Variants in TTC7B observed in about 807,000 individuals in gnomAD.
TTC7B encodes tetratricopeptide repeat protein 7B.
Under a neutral mutation model 106.8 loss-of-function variants are expected in TTC7B, and 28 were observed. The observed-to-expected ratio is 0.26, with a 90% CI of 0.19 to 0.36. TTC7B has a LOEUF of 0.36. Ranked by LOEUF, TTC7B falls within the 10% of genes least tolerant of loss-of-function variation. The probability of loss-of-function intolerance (pLI) is 1.00; values close to 1 mark genes in which losing one functional copy is unlikely to be tolerated. For missense variants in TTC7B, 862 were observed against 1,076.4 expected, an observed-to-expected ratio of 0.80 and a Z score of 2.79; for synonymous variants, 405 against 430.6, an observed-to-expected ratio of 0.94 and a Z score of 0.74.
At chr14:90,658,472 CTAAGG>C in intron 9 of TTC7B, 85 bp from the exon 10 acceptor site, 2 of 1,276,138 alleles carry the variant, frequency 1.6e-6, no homozygotes, top group Non-Finnish European at 2.3e-6. Flanking sequence ...TCTATGCACA[CTAAGG>C]TAAGTCCCAT....
At chr14:90,753,218 C>T (rs1226475617) in intron 3 of TTC7B, among the ~76,000 whole-genome samples, 2 of 152,226 alleles carry the variant, frequency 1.3e-5, no homozygotes, top group Non-Finnish European at 2.9e-5. Flanking sequence ...TTTATCTCAA[C>T]CACATCTCTG....
At chr14:90,571,428 G>A (rs916829471) in intron 19 of TTC7B, among the ~76,000 whole-genome samples, 2 of 152,188 alleles carry the variant, frequency 1.3e-5, no homozygotes, top group African/African-American at 2.4e-5. Flanking sequence ...ATGAGGGCCT[G>A]TGCACTTTTC....
chr14:90,780,312 C>T (rs1595368138), intron 3 of TTC7B, among the ~76,000 whole-genome samples: 2 of 151,340 alleles, frequency 1.3e-5, no homozygotes, highest in African/African-American at 2.4e-5. Flanking sequence ...ACCTGGGAGG[C>T]GGAGGTTGCG....
In TTC7B at chr14:90,541,533, G is replaced by A. The variant is rs753906290; in HGVS notation, c.2367C>T (p.Asp789=). Residue 789 remains aspartate (D), a synonymous_variant, in exon 20 of 20, where the codon GAC becomes GAT. Coordinates refer to ENST00000328459, the MANE Select transcript of TTC7B (RefSeq NM_001010854.2). ...GGGCTGTCGAGTTCACCTGCACCGC[G>A]TCCCGGAGGATCTTCTCCGCCAGAC... ...RYSLAEKILR[D]AVQVNSTAHE... 1.1e-5 allele frequency: 17 copies of A among 1,612,870 alleles called. No homozygotes were observed. Among genetic ancestry groups the A allele is most frequent in the Middle Eastern group, 1.7e-4 (1 of 6,058 alleles).
At position 90,578,167 on chromosome 14, in the gene TTC7B, C is replaced by T. The variant is rs753796616; in HGVS notation, c.2249G>A (p.Arg750Gln). 8 of 1,613,536 alleles carry T rather than the reference C, an allele frequency of 5.0e-6. No homozygotes were observed. The highest frequency in any genetic ancestry group is 1.3e-5 in the African/African-American group (1 of 75,058). Residue 750 changes from arginine (R) to glutamine (Q), a missense_variant, in exon 19 of 20, where the codon CGG (arginine) becomes CAG (glutamine). Transcript: ENST00000328459. This position sits in a 1 kb window ranked among gnomAD's most constrained non-coding sequence, Gnocchi z 4.7. Reference sequence around the variant, plus strand: ...GGCTAAGGCCTCTTCATACCACCGCCGCGCCTCGTCCATGCTTCCCCGGAG... The same window carrying T: ...GGCTAAGGCCTCTTCATACCACCGCTGCGCCTCGTCCATGCTTCCCCGGAG... The part of the protein sequence containing the change: ...AELRGSMDEA[R>Q]RWYEEALAIS...
intron 7 of TTC7B, among the ~76,000 whole-genome samples, chr14:90,684,743 G>A (rs1261567818): frequency 6.6e-6 from 1 of 152,178 alleles, no homozygotes; most frequent in African/African-American, 2.4e-5. Flanking sequence ...AAGAGGCCAC[G>A]GGAGGGCGTG....
intron 5 of TTC7B, among the ~76,000 whole-genome samples, chr14:90,708,234 G>A (rs1352459749): frequency 6.6e-6 from 1 of 151,672 alleles, no homozygotes; most frequent in Non-Finnish European, 1.5e-5. Flanking sequence ...AGTTCTAGCT[G>A]AGGTCATTAA....
At chr14:90,668,911 C>T (rs1247273534) in intron 9 of TTC7B, among the ~76,000 whole-genome samples, 1 of 116,854 alleles carries the variant, frequency 8.6e-6, no homozygotes, top group Admixed American at 1.1e-4. Flanking sequence ...GATCCAGAAA[C>T]AAACTGGAAA....
At chr14:90,699,213 C>T (rs931241894) in intron 5 of TTC7B, 7 of 455,892 alleles carry the variant, frequency 1.5e-5, no homozygotes, top group African/African-American at 1.4e-4. Context: ...TTAATATTGC[C>T]ATCTGTCCCT....
At chr14:90,733,718 T>C (rs77652493) in intron 4 of TTC7B, among the ~76,000 whole-genome samples, 7,874 of 152,274 alleles carry the variant, frequency 0.052, 241 homozygotes, top group Non-Finnish European at 0.061. Flanking sequence ...GGGAAGGGGC[T>C]GAAGATTTTA....
intron 17 of TTC7B, 94 bp from the exon 18 acceptor site, chr14:90,593,720 A>G: frequency 8.2e-7 from 1 of 1,214,718 alleles, no homozygotes; most frequent in Non-Finnish European, 1.1e-6. Flanking sequence ...GAACACACAC[A>G]CCCCTTCCCC....
At position 90,807,500 on chromosome 14, in the gene TTC7B, T is replaced by C. The variant is rs2030676386; in HGVS notation, c.121+8675A>G. ...CAGCCTGCCCATCTGAGTTGCTAAC[T>C]AGCCCCCAGGGGACCCTGCTGCCCA... On this transcript the variant is annotated intron_variant, in intron 1 of 19. Transcript: ENST00000328459. This position sits in a 1 kb window ranked among gnomAD's most constrained non-coding sequence, Gnocchi z 4.1. Among the ~76,000 whole-genome samples the C allele has an allele frequency of 1.3e-5, 2 of 152,194 alleles. No individual in the cohort carries two copies. Among genetic ancestry groups the C allele is most frequent in the South Asian group, 2.1e-4 (1 of 4,826 alleles).
intron 19 of TTC7B, among the ~76,000 whole-genome samples, chr14:90,568,865 G>A (rs1292476591): frequency 1.3e-5 from 2 of 152,224 alleles, no homozygotes; most frequent in Non-Finnish European, 2.9e-5. Context: ...GGAGGACACA[G>A]ATGCTCAAGA....
intron 13 of TTC7B, among the ~76,000 whole-genome samples, chr14:90,647,783 T>C (rs1401316644): frequency 6.6e-6 from 1 of 152,130 alleles, no homozygotes; most frequent in Non-Finnish European, 1.5e-5. Flanking sequence ...TTTGACTACA[T>C]ACTAGACATA....
In TTC7B at chr14:90,537,382, G is replaced by GGC. The variant is rs1566757054; in HGVS notation, c.*3985_*3986insGC. 1 of 149,430 alleles carries GGC rather than the reference G, an allele frequency of 6.7e-6. No individual in the cohort carries two copies. The highest frequency in any genetic ancestry group is 2.5e-5 in the African/African-American group (1 of 39,908). 9.3% of individuals were successfully genotyped at this position (149,430 alleles called of 1,614,324 possible). The stretch of plus-strand genomic sequence containing the variant: ...TTTTTTTTTGTAGAGATGGGGGGGG[G>GGC]GTCTCACCATGTTGCCCAGGCTGGT... On this transcript the variant is annotated 3_prime_UTR_variant, in exon 20 of 20. Coordinates refer to ENST00000328459, the MANE Select transcript of TTC7B (RefSeq NM_001010854.2).
intron 19 of TTC7B, among the ~76,000 whole-genome samples, chr14:90,556,786 T>A (rs1345866752): frequency 6.6e-6 from 1 of 152,128 alleles, no homozygotes; most frequent in Non-Finnish European, 1.5e-5. Flanking sequence ...GATGCAGGCA[T>A]CAGGGATACT....
intron 5 of TTC7B, chr14:90,699,046 C>T (rs1887878108): frequency 2.6e-6 from 1 of 382,402 alleles, no homozygotes. Context: ...CAGCATTCAA[C>T]CCTCCCTCTC....
chr14:90,538,327 G>T lies in TTC7B; in HGVS notation c.*3041C>A, dbSNP rs1432519701. ...GGACGGATGAATGGATGGATGGATG[G>T]ATGGACGGATGGATGAATGTCCTTA... is the stretch of plus-strand genomic sequence containing the variant. On this transcript the variant is annotated 3_prime_UTR_variant, in exon 20 of 20. Transcript: ENST00000328459. 1 of 152,234 alleles carries T rather than the reference G, an allele frequency of 6.6e-6. No individual in the cohort carries two copies. The allele number at this position is 152,234 out of a possible 1,614,324, so 9.4% of individuals were successfully genotyped here.
intron 9 of TTC7B, among the ~76,000 whole-genome samples, chr14:90,666,647 C>T (rs1886421828): frequency 6.6e-6 from 1 of 152,220 alleles, no homozygotes; most frequent in East Asian, 1.9e-4. Context: ...CAAGTTTTCT[C>T]TCCTTATGTT....
Sources: gnomAD v4.1 joint callset for allele counts (sites outside exome capture counted in the v4.1 genomes callset) on GRCh38, gnomAD v4.1.1 for gene constraint, Gnocchi (gnomAD v3.1) non-coding constraint, MANE v1.5 for transcripts, NCBI Gene and HGNC (gene_info 2026-07-23, HGNC 2026-07-21) for gene names.